BCL7C: variants seen among roughly 807,000 people sequenced by gnomAD.
The protein encoded by BCL7C is BAF chromatin remodeling complex subunit BCL7C.
Under a neutral mutation model 26.2 loss-of-function variants are expected in BCL7C, and 8 were observed. The ratio of observed to expected loss-of-function variants is 0.30; its 90% CI spans 0.18 to 0.55. The LOEUF is 0.55. Among genes scored for constraint, BCL7C ranks in the 20% least tolerant of loss-of-function variants. BCL7C has a pLI of 0.93. For synonymous variants in BCL7C, 90 were observed against 116.5 expected, an observed-to-expected ratio of 0.77 and a Z score of 1.47; for missense variants, 262 against 298.5, an observed-to-expected ratio of 0.88 and a Z score of 0.90.
At chr16:30,890,576 A>C (rs1200111385) in intron 4 of BCL7C, among the ~76,000 whole-genome samples, 1 of 152,126 alleles carries the variant, frequency 6.6e-6, no homozygotes, top group African/African-American at 2.4e-5. Context: ...TTGGCTGGGC[A>C]CGGTGGCTCA....
At chr16:30,877,488 C>T (rs573457831) in intron 5 of BCL7C, among the ~76,000 whole-genome samples, 2 of 150,860 alleles carry the variant, frequency 1.3e-5, no homozygotes, top group Non-Finnish European at 2.9e-5. Flanking sequence ...TCACCAGGCC[C>T]GAGTGCAGTG....
intron 5 of BCL7C, among the ~76,000 whole-genome samples, chr16:30,844,138 T>G (rs1303485090): frequency 1.4e-5 from 2 of 140,562 alleles, no homozygotes; most frequent in Non-Finnish European, 3.0e-5. Context: ...GATCACAAGG[T>G]CAAGAGATCA....
At chr16:30,871,578 G>A (rs980812216) in intron 5 of BCL7C, among the ~76,000 whole-genome samples, 10 of 151,930 alleles carry the variant, frequency 6.6e-5, no homozygotes, top group South Asian at 2.1e-4. Context: ...TTCACCTCCC[G>A]GGTTCCAGTG....
chr16:30,883,492 G>C (rs888435183), downstream of BCL7C, among the ~76,000 whole-genome samples: 2 of 142,276 alleles, frequency 1.4e-5, no homozygotes, highest in Admixed American at 7.1e-5. Context: ...GCCTCCCAAA[G>C]TGCTGGGATT....
intron 5 of BCL7C, among the ~76,000 whole-genome samples, chr16:30,880,475 G>A (rs562316395): frequency 1.5e-3 from 230 of 151,506 alleles, no homozygotes; most frequent in Non-Finnish European, 2.9e-3. Flanking sequence ...TGAGGTGAGC[G>A]GATCACGAGG....
chr16:30,892,812 C>T (rs1211589868), intron 3 of BCL7C, 28 bp downstream of exon 3: 2 of 1,613,478 alleles, frequency 1.2e-6, no homozygotes, highest in East Asian at 2.2e-5. Flanking sequence ...GTCCCCACAG[C>T]CCCCCGCGTT....
At chr16:30,889,081 A>C in intron 4 of BCL7C, 136 bp from the exon 5 acceptor site, 4 of 791,918 alleles carry the variant, frequency 5.1e-6, no homozygotes, top group Non-Finnish European at 8.4e-6. Flanking sequence ...GAGAGCAGGA[A>C]CCTGGCTGTG....
intron 4 of BCL7C, 137 bp from the exon 5 acceptor site, chr16:30,889,082 C>G: frequency 2.6e-6 from 2 of 762,824 alleles, no homozygotes; most frequent in Non-Finnish European, 2.2e-6. Context: ...AGAGCAGGAA[C>G]CTGGCTGTGC....
intron 5 of BCL7C, among the ~76,000 whole-genome samples, chr16:30,873,490 C>G (rs1000132489): frequency 2.0e-5 from 3 of 152,056 alleles, no homozygotes; most frequent in African/African-American, 7.2e-5. Flanking sequence ...TTGAACTGTA[C>G]ACTTTAAATG....
intron 5 of BCL7C, among the ~76,000 whole-genome samples, chr16:30,879,593 C>T (rs746109240): frequency 1.3e-5 from 2 of 149,622 alleles, no homozygotes; most frequent in East Asian, 3.9e-4. Context: ...TGGTGGCTCA[C>T]GCCTGTAATC....
At chr16:30,881,265 G>A (rs772868311) in intron 5 of BCL7C, among the ~76,000 whole-genome samples, 5 of 151,974 alleles carry the variant, frequency 3.3e-5, no homozygotes, top group Admixed American at 6.6e-5. Context: ...GTGTGGTGGC[G>A]AGTGCCTGTA....
chr16:30,860,698 T>C (rs2054763889), intron 5 of BCL7C, among the ~76,000 whole-genome samples: 1 of 152,148 alleles, frequency 6.6e-6, no homozygotes, highest in African/African-American at 2.4e-5. Context: ...AGGCATTCTT[T>C]TACACATCAG....
At chr16:30,873,968 C>CACACAG (rs1455486870) in intron 5 of BCL7C, among the ~76,000 whole-genome samples, 1 of 148,952 alleles carries the variant, frequency 6.7e-6, no homozygotes, top group Non-Finnish European at 1.5e-5. Flanking sequence ...CACACACACA[C>CACACAG]ACACACAGAG....
At chr16:30,872,023 T>C (rs2054886817) in intron 5 of BCL7C, among the ~76,000 whole-genome samples, 1 of 152,152 alleles carries the variant, frequency 6.6e-6, no homozygotes. Flanking sequence ...TATGCTATAA[T>C]TTCAAAAATT....
intron 5 of BCL7C, among the ~76,000 whole-genome samples, chr16:30,845,666 G>A (rs748005864): frequency 1.3e-5 from 2 of 152,042 alleles, no homozygotes; most frequent in East Asian, 1.9e-4. Context: ...TCTCAGCCCC[G>A]GGGATAGTAG....
At position 30,893,536 on chromosome 16, in the gene BCL7C, G is replaced by C. The variant is rs1247497400; in HGVS notation, c.93-246C>G. On this transcript the variant is annotated intron_variant, in intron 1 of 5. Transcript: ENST00000215115. The surrounding 1 kb of genome is among the most constrained non-coding windows in gnomAD (Gnocchi z 5.2). The stretch of plus-strand genomic sequence containing the variant: ...TCTGCGGACCCCTGGGGCACACATG[G>C]GGGGCGTGGCTATGGGCCTGGCCCG... 6.6e-6 allele frequency among the ~76,000 whole-genome samples: 1 copy of C among 152,100 alleles called. No individual in the cohort carries two copies. The highest frequency in any genetic ancestry group is 6.5e-5 in the Admixed American group (1 of 15,274).
chr16:30,853,751 T>C (rs1659331513), intron 5 of BCL7C, among the ~76,000 whole-genome samples: 1 of 152,214 alleles, frequency 6.6e-6, no homozygotes, highest in Admixed American at 6.5e-5. Context: ...TCTTGCCTCT[T>C]CTTCAGCTAT....
intron 5 of BCL7C, among the ~76,000 whole-genome samples, chr16:30,852,696 T>C (rs904669848): frequency 5.9e-5 from 9 of 152,006 alleles, no homozygotes; most frequent in African/African-American, 2.2e-4. Flanking sequence ...TTCACCATAT[T>C]GGTCGGGCTG....
At chr16:30,846,463 G>A (rs1383950118) in intron 5 of BCL7C, among the ~76,000 whole-genome samples, 1 of 151,814 alleles carries the variant, frequency 6.6e-6, no homozygotes, top group East Asian at 1.9e-4. Flanking sequence ...TCCTGACCTC[G>A]TGATCCGCCC....
Sources: gnomAD v4.1 joint callset for allele counts (sites outside exome capture counted in the v4.1 genomes callset) on GRCh38, gnomAD v4.1.1 for gene constraint, Gnocchi (gnomAD v3.1) non-coding constraint, MANE v1.5 for transcripts, NCBI Gene and HGNC (gene_info 2026-07-23, HGNC 2026-07-21) for gene names.